Variants in CEP128 observed in about 807,000 individuals in gnomAD.
The protein encoded by CEP128 is centrosomal protein 128kDa.
CEP128 carries 132 observed loss-of-function variants against 156.7 expected under a neutral mutation model. The observed-to-expected ratio is 0.84, with a 90% confidence interval of 0.73 to 0.97. The LOEUF (loss-of-function observed/expected upper bound fraction) is 0.97, where lower values mean the gene tolerates loss of function less well. CEP128 is among the 50% of genes least tolerant of loss of function. The pLI is 0.00. For synonymous variants in CEP128, 469 were observed against 448.9 expected, an observed-to-expected ratio of 1.04 and a Z score of -0.57; for missense variants, 1,252 against 1,281.9, an observed-to-expected ratio of 0.98 and a Z score of 0.36.
chr14:80,872,150 C>T (rs369625200), intron 8 of CEP128, among the ~76,000 whole-genome samples: 14 of 152,060 alleles, frequency 9.2e-5, no homozygotes, highest in African/African-American at 3.4e-4. Flanking sequence ...ATAGAATTGA[C>T]TTTTTCCTCC....
intron 24 of CEP128, among the ~76,000 whole-genome samples, chr14:80,500,534 CTT>C (rs1480175621): frequency 2.0e-5 from 3 of 152,188 alleles, no homozygotes; most frequent in African/African-American, 7.2e-5. Context: ...CTCAGTAACA[CTT>C]GTCTTTGTAA....
intron 8 of CEP128, among the ~76,000 whole-genome samples, chr14:80,872,809 T>C (rs1284522804): frequency 6.6e-6 from 1 of 152,198 alleles, no homozygotes; most frequent in Non-Finnish European, 1.5e-5. Flanking sequence ...AACATAAATG[T>C]TGACTTCAAT....
chr14:80,688,594 T>C (rs1566858173), intron 19 of CEP128, among the ~76,000 whole-genome samples: 1 of 152,210 alleles, frequency 6.6e-6, no homozygotes, highest in Non-Finnish European at 1.5e-5. Context: ...TTTTCCCCAA[T>C]TGTTTTAACA....
At chr14:80,958,026 A>G (rs1012460940) in intron 2 of CEP128, 2 of 152,244 alleles carry the variant, frequency 1.3e-5, no homozygotes. Flanking sequence ...GTAAAACAAA[A>G]TGGTAGTCTC....
intron 9 of CEP128, among the ~76,000 whole-genome samples, chr14:80,850,110 T>C (rs192392324): frequency 1.3e-5 from 2 of 152,196 alleles, no homozygotes; most frequent in East Asian, 3.9e-4. Context: ...AGAGGAAGCA[T>C]GAAACTATAA....
At chr14:80,940,514 T>C (rs1886085393) in intron 1 of CEP128, among the ~76,000 whole-genome samples, 1 of 86,254 alleles carries the variant, frequency 1.2e-5, no homozygotes, top group Admixed American at 1.2e-4. Context: ...ACTTAAAATA[T>C]TTTTTTTTTT....
intron 19 of CEP128, among the ~76,000 whole-genome samples, chr14:80,731,750 AT>A (rs1898282489): frequency 6.6e-6 from 1 of 152,204 alleles, no homozygotes; most frequent in South Asian, 2.1e-4. Context: ...CACTGGACAG[AT>A]AAAAAGGGAA....
intron 23 of CEP128, among the ~76,000 whole-genome samples, chr14:80,517,662 C>A (rs994885294): frequency 6.6e-6 from 1 of 152,150 alleles, no homozygotes; most frequent in Non-Finnish European, 1.5e-5. Context: ...GTTCTTAGAG[C>A]TCCCAAGATG....
chr14:80,764,967 AC>A, intron 16 of CEP128, among the ~76,000 whole-genome samples: 1 of 152,194 alleles, frequency 6.6e-6, no homozygotes, highest in Non-Finnish European at 1.5e-5. Flanking sequence ...GCTCTTCCAC[AC>A]CATACTTCAG....
At chr14:80,650,433 G>T (rs1894852679) in intron 19 of CEP128, among the ~76,000 whole-genome samples, 1 of 152,082 alleles carries the variant, frequency 6.6e-6, no homozygotes. Flanking sequence ...GATTACCGTG[G>T]CCAGAACTTC....
At chr14:80,594,366 A>T (rs955435055) in intron 19 of CEP128, among the ~76,000 whole-genome samples, 2 of 152,158 alleles carry the variant, frequency 1.3e-5, no homozygotes, top group African/African-American at 4.8e-5. Flanking sequence ...AACCATAAAA[A>T]CCCTAGAAGA....
intron 19 of CEP128, among the ~76,000 whole-genome samples, chr14:80,739,708 A>G (rs970117753): frequency 2.0e-4 from 30 of 152,158 alleles, no homozygotes; most frequent in African/African-American, 7.2e-4. Flanking sequence ...ATAGTATACA[A>G]TAGGGCTAGA....
intron 20 of CEP128, among the ~76,000 whole-genome samples, chr14:80,579,641 C>T (rs931684637): frequency 2.0e-5 from 3 of 152,102 alleles, no homozygotes; most frequent in Non-Finnish European, 2.9e-5. Flanking sequence ...TAGCTCCAGG[C>T]CCATGAAGAA....
intron 19 of CEP128, among the ~76,000 whole-genome samples, chr14:80,584,311 A>G (rs1891721521): frequency 6.6e-6 from 1 of 151,796 alleles, no homozygotes; most frequent in African/African-American, 2.4e-5. Flanking sequence ...ACGCCTGGCT[A>G]CTTTTTACAT....
At chr14:80,777,827 G>A (rs1287315377) in intron 16 of CEP128, 55 bp downstream of exon 16, 2 of 1,303,720 alleles carry the variant, frequency 1.5e-6, no homozygotes, top group South Asian at 1.3e-5. Flanking sequence ...ATATTTTCTA[G>A]AGGAAATTAA....
chr14:80,758,782 G>A lies in CEP128; in HGVS notation c.2554-1831C>T, dbSNP rs187283126. 2.1e-3 allele frequency among the ~76,000 whole-genome samples: 326 copies of A among 152,196 alleles called. 1 individual carries two copies. The highest frequency in any genetic ancestry group is 3.1e-3 in the African/African-American group (130 of 41,518). ...AACATTACTTGAGTATCCACTAAGC[G>A]CAAGATATTTGACCCTATAATAGCA... On this transcript the variant is annotated intron_variant, in intron 17 of 24. Coordinates refer to ENST00000555265, the MANE Select transcript of CEP128 (RefSeq NM_152446.5).
At chr14:80,722,173 C>G (rs952780489) in intron 19 of CEP128, among the ~76,000 whole-genome samples, 1 of 152,128 alleles carries the variant, frequency 6.6e-6, no homozygotes, top group Admixed American at 6.5e-5. Context: ...CGAAGATAGC[C>G]AAATGTCCTT....
intron 19 of CEP128, among the ~76,000 whole-genome samples, chr14:80,672,647 T>C (rs901450261): frequency 1.3e-4 from 20 of 152,340 alleles, no homozygotes; most frequent in African/African-American, 3.8e-4. Flanking sequence ...TTCATGCCTA[T>C]TAAATAAAGA....
chr14:80,754,588 G>A (rs162177), intron 18 of CEP128, among the ~76,000 whole-genome samples: 84,750 of 150,834 alleles, frequency 0.56, 24,535 homozygotes, highest in East Asian at 0.78. Flanking sequence ...TCAGCCTCCC[G>A]AGTAGCTGGG....
Sources: gnomAD v4.1 joint callset for allele counts (sites outside exome capture counted in the v4.1 genomes callset) on GRCh38, gnomAD v4.1.1 for gene constraint, MANE v1.5 for transcripts, NCBI Gene and HGNC (gene_info 2026-07-23, HGNC 2026-07-21) for gene names.